Variants in ARRDC1 observed in about 807,000 individuals in gnomAD.
ARRDC1 encodes the protein arrestin domain-containing protein 1.
Under a neutral mutation model 40.1 loss-of-function variants are expected in ARRDC1, and 37 were observed. That is an observed-to-expected ratio of 0.92 (90% CI 0.71 to 1.21). The LOEUF is 1.21. Ranked by LOEUF, ARRDC1 falls within the 50% of genes most tolerant of loss-of-function variation. ARRDC1 has a pLI of 0.00. For missense variants in ARRDC1, 641 were observed against 581.9 expected (o/e 1.10, Z -1.04); for synonymous variants, 310 against 262.5 (o/e 1.18, Z -1.75).
chr9:137,613,593 C>A, intron 3 of ARRDC1, 22 bp from the exon 4 acceptor site: 1 of 1,614,156 alleles, frequency 6.2e-7, no homozygotes, highest in Non-Finnish European at 8.5e-7. Context: ...CAGCCAGGTA[C>A]CAGTGCCTGC....
intron 1 of ARRDC1, among the ~76,000 whole-genome samples, chr9:137,608,648 A>G (rs558291212): frequency 3.6e-4 from 55 of 152,378 alleles, no homozygotes; most frequent in Admixed American, 9.8e-4. Context: ...AGGCAGAAAC[A>G]TGGCCGCTGC....
In ARRDC1 at chr9:137,614,707, A is replaced by T; in HGVS notation, c.944A>T (p.Glu315Val). The T allele has an allele frequency of 6.2e-7, 1 of 1,610,760 alleles. No individual in the cohort carries two copies. The highest frequency in any genetic ancestry group is 1.7e-5 in the Admixed American group (1 of 59,454). ...GTGGTGCCTTCCGCACCACCCCAGG[A>T]GGAGGCTGAGGCTGAGGCTGCGGCT... is the stretch of plus-strand genomic sequence containing the variant. ...PLVVPSAPPQ[E>V]EAEAEAAAGG... The change falls in exon 7 of 8, where the codon GAG (glutamate) becomes GTG (valine). Residue 315 changes from glutamate (E) to valine (V), a missense_variant. Transcript: ENST00000371421.
rs571838386 is a variant in ARRDC1 at position 137,613,351 on chromosome 9, G to A, written c.230-109G>A. 427 of 1,228,600 alleles carry A rather than the reference G, an allele frequency of 3.5e-4. 2 individuals are homozygous for A. In the African/African-American group the frequency reaches 5.8e-3, roughly 17 times the overall value. 76.1% of individuals were successfully genotyped at this position (1,228,600 alleles called of 1,614,324 possible). ...GTGGCGCTGGTGACTGAGACAGGGA[G>A]ACCCAGTGTGAGCTGGTCAGCTGCA... is the stretch of plus-strand genomic sequence containing the variant. On this transcript the variant is annotated intron_variant, in intron 2 of 7. Transcript: ENST00000371421.
intron 1 of ARRDC1, among the ~76,000 whole-genome samples, chr9:137,608,382 C>G (rs1842459758): frequency 2.0e-5 from 3 of 152,222 alleles, no homozygotes; most frequent in South Asian, 4.1e-4. Context: ...AGAAGTCACA[C>G]TCTGACTAGG....
intron 1 of ARRDC1, among the ~76,000 whole-genome samples, chr9:137,608,564 AC>A (rs1842462128): frequency 6.6e-6 from 1 of 152,072 alleles, no homozygotes; most frequent in Non-Finnish European, 1.5e-5. Context: ...CTCACAATGG[AC>A]CCCATGTATT....
chr9:137,612,914 T>C lies in ARRDC1; in HGVS notation c.137T>C (p.Ile46Thr), dbSNP rs201141848. The change falls in exon 2 of 8, where the codon ATA becomes ACA. Residue 46 changes from isoleucine to threonine, a missense_variant. Ile to Thr is a moderately conservative substitution (Grantham distance 89). Coordinates refer to ENST00000371421, the MANE Select transcript of ARRDC1 (RefSeq NM_152285.4). ...TTTGCAGCCATCCGGGTGACCTGCA[T>C]AGGTTCCTGCGGGGTCTCCAACAAG... ...LPFRAIRVTC[I>T]GSCGVSNKAN... 267 of 1,613,980 alleles carry C rather than the reference T, an allele frequency of 1.7e-4. No individual in the cohort carries two copies. In the East Asian group the frequency reaches 5.3e-3, roughly 32 times the overall value.
Position 137,613,461 on chromosome 9 carries a change from G to T in ARRDC1, c.231G>T (p.Gly77=), listed in dbSNP as rs200209627. The T allele has an allele frequency of 1.8e-4, 284 of 1,611,604 alleles. 1 individual carries two copies. The highest frequency in any genetic ancestry group is 1.3e-3 in the South Asian group (119 of 90,918). ...CCCACCTCCCTCCTGTCTCTGCAGG[G>T]AGCCTGCCCGCTGGAGAGCACAGCT... is the stretch of plus-strand genomic sequence containing the variant. ...FNSSLSLADK[G]SLPAGEHSFP... Residue 77 remains glycine (G), a splice_region_variant and synonymous_variant, in exon 3 of 8, where the codon GGG becomes GGT. Coordinates refer to ENST00000371421, the MANE Select transcript of ARRDC1 (RefSeq NM_152285.4).
chr9:137,610,259 A>T (rs1842491595), intron 1 of ARRDC1, among the ~76,000 whole-genome samples: 2 of 152,202 alleles, frequency 1.3e-5, no homozygotes, highest in South Asian at 4.1e-4. Flanking sequence ...TGGGTTAGGA[A>T]TCTGGACAGT....
chr9:137,606,583 T>C (rs1390711441), intron 1 of ARRDC1, among the ~76,000 whole-genome samples: 1 of 152,220 alleles, frequency 6.6e-6, no homozygotes, highest in Non-Finnish European at 1.5e-5. Flanking sequence ...GAACCCACAG[T>C]CTCTGTTCTG....
chr9:137,610,988 C>T (rs1197842556), intron 1 of ARRDC1, among the ~76,000 whole-genome samples: 1 of 152,232 alleles, frequency 6.6e-6, no homozygotes, highest in Admixed American at 6.5e-5. Context: ...TGAGCCACTG[C>T]ACCCAGCTGG....
At chr9:137,613,074 C>A in intron 2 of ARRDC1, 68 bp downstream of exon 2, 2 of 1,159,120 alleles carry the variant, frequency 1.7e-6, no homozygotes, top group Non-Finnish European at 2.6e-6. Context: ...GCCTGTCTGT[C>A]CTGTCCTCCC....
intron 1 of ARRDC1, among the ~76,000 whole-genome samples, chr9:137,609,788 A>G (rs1464877727): frequency 6.6e-6 from 1 of 152,090 alleles, no homozygotes; most frequent in Non-Finnish European, 1.5e-5. Context: ...GGCCCCCCAA[A>G]GTGTTGGGAT....
In ARRDC1 at chr9:137,614,134, G is replaced by C. The variant is rs1842604755; in HGVS notation, c.538G>C (p.Gly180Arg). Reference sequence around the variant, plus strand: ...CACTGATCTCCGCGGCTATGTGGTGGGGCAGGCACTGCAGCTGCATGCCGA... The same window carrying C: ...CACTGATCTCCGCGGCTATGTGGTGCGGCAGGCACTGCAGCTGCATGCCGA... ...ASTDLRGYVV[G>R]QALQLHADVE... is the part of the protein sequence containing the mutation. The change falls in exon 5 of 8, where the codon GGG becomes CGG. Residue 180 changes from glycine (G) to arginine (R), a missense_variant. By Grantham distance (125) the Gly-to-Arg change is moderately radical (BLOSUM62 -2). Transcript: ENST00000371421. The C allele has an allele frequency of 6.2e-7, 1 of 1,613,452 alleles. No individual in the cohort carries two copies. The highest frequency in any genetic ancestry group is 8.5e-7 in the Non-Finnish European group (1 of 1,179,734).
intron 2 of ARRDC1, 117 bp from the exon 3 acceptor site, chr9:137,613,343 G>A (rs954987236): frequency 1.7e-6 from 2 of 1,173,436 alleles, no homozygotes; most frequent in African/African-American, 3.0e-5. Flanking sequence ...TGGTGACTGA[G>A]ACAGGGAGAC....
At chr9:137,606,092 C>A (rs970782279) in intron 1 of ARRDC1, among the ~76,000 whole-genome samples, 4 of 151,956 alleles carry the variant, frequency 2.6e-5, no homozygotes, top group Non-Finnish European at 4.4e-5. Context: ...GTGGAGGACG[C>A]CCTGAGCGCG....
At chr9:137,612,859 C>A in intron 1 of ARRDC1, 37 bp from the exon 2 acceptor site, 2 of 1,542,978 alleles carry the variant, frequency 1.3e-6, no homozygotes, top group Non-Finnish European at 1.8e-6. Flanking sequence ...CCTGGGCCGT[C>A]GGCTGGCTGG....
rs767416942 is a variant in ARRDC1, at chr9:137,614,707, A to AGGAGGC, written c.945_950dup (p.Glu320_Ala321dup). On this transcript the variant is annotated inframe_insertion, in exon 7 of 8. Coordinates refer to ENST00000371421, the MANE Select transcript of ARRDC1 (RefSeq NM_152285.4). Reference sequence around the variant, plus strand: ...GTGGTGCCTTCCGCACCACCCCAGGAGGAGGCTGAGGCTGAGGCTGCGGCT... The same window carrying AGGAGGC: ...GTGGTGCCTTCCGCACCACCCCAGGAGGAGGCGGAGGCTGAGGCTGAGGCTGCGGCT... 4 of 1,610,760 alleles carry AGGAGGC rather than the reference A, an allele frequency of 2.5e-6. No individual in the cohort carries two copies. Among genetic ancestry groups the AGGAGGC allele is most frequent in the Middle Eastern group, 1.7e-4 (1 of 6,034 alleles).
chr9:137,605,921 G>T, intron 1 of ARRDC1, 86 bp downstream of exon 1: 1 of 846,590 alleles, frequency 1.2e-6, no homozygotes, highest in Non-Finnish European at 1.6e-6. Context: ...CCTGGCCCCG[G>T]GTTGGGCCCG....
rs1205379753 is a variant in ARRDC1 at position 137,613,727 on chromosome 9, T to C, written c.393T>C (p.Tyr131=). 1.2e-6 allele frequency: 2 copies of C among 1,614,210 alleles called. No homozygotes were observed. The highest frequency in any genetic ancestry group is 8.5e-7 in the Non-Finnish European group (1 of 1,180,042). The change falls in exon 4 of 8, where the codon TAT becomes TAC. Residue 131 remains tyrosine (Y), a synonymous_variant. Coordinates refer to ENST00000371421, the MANE Select transcript of ARRDC1 (RefSeq NM_152285.4). ...ATCACAAGTGCAGCCTCGTGTTCTA[T>C]ATCTTGAGCCCCTTGAACCTGAACA... ...SKDHKCSLVF[Y]ILSPLNLNSI... is the part of the protein sequence containing the mutation.
Sources: gnomAD v4.1 joint callset for allele counts (sites outside exome capture counted in the v4.1 genomes callset) on GRCh38, gnomAD v4.1.1 for gene constraint, MANE v1.5 for transcripts, NCBI Gene and HGNC (gene_info 2026-07-23, HGNC 2026-07-21) for gene names.